NLGN1: variants seen among roughly 807,000 people sequenced by gnomAD.
The protein encoded by NLGN1 is neuroligin-1.
NLGN1 carries 12 observed loss-of-function variants against 65.5 expected under a neutral mutation model. That is an observed-to-expected ratio of 0.18 (90% confidence interval 0.12 to 0.30). The LOEUF (loss-of-function observed/expected upper bound fraction) is 0.30, where lower values mean the gene tolerates loss of function less well. Among genes scored for constraint, NLGN1 ranks in the 10% least tolerant of loss-of-function variants. The pLI, the probability that NLGN1 is intolerant of heterozygous loss-of-function variation, is 1.00. For missense variants in NLGN1, 750 were observed against 1,007.1 expected, an observed-to-expected ratio of 0.74 and a Z score of 3.46; for synonymous variants, 350 against 359.5, an observed-to-expected ratio of 0.97 and a Z score of 0.30.
chr3:173,980,622 A>T (rs1413892236), intron 4 of NLGN1, among the ~76,000 whole-genome samples: 1 of 152,110 alleles, frequency 6.6e-6, no homozygotes, highest in Non-Finnish European at 1.5e-5. Flanking sequence ...AAATATAAAG[A>T]CACACATGAA....
intron 3 of NLGN1, among the ~76,000 whole-genome samples, chr3:173,702,014 T>C (rs868842846): frequency 5.9e-4 from 90 of 151,762 alleles, no homozygotes; most frequent in East Asian, 4.1e-3. Flanking sequence ...CCGAGGCGGG[T>C]GGATCACGAG....
intron 4 of NLGN1, among the ~76,000 whole-genome samples, chr3:174,117,589 C>G (rs1243597731): frequency 6.6e-6 from 1 of 151,298 alleles, no homozygotes; most frequent in Non-Finnish European, 1.5e-5. Flanking sequence ...CTACTGCACT[C>G]CAGCCTGGGC....
chr3:173,583,443 T>C (rs1746714771), intron 2 of NLGN1, among the ~76,000 whole-genome samples: 1 of 152,244 alleles, frequency 6.6e-6, no homozygotes, highest in Non-Finnish European at 1.5e-5. Context: ...AGCCAATTAA[T>C]AGCAACACCA....
chr3:173,968,090 TTC>T (rs1414125614), intron 4 of NLGN1, among the ~76,000 whole-genome samples: 1 of 152,172 alleles, frequency 6.6e-6, no homozygotes, highest in African/African-American at 2.4e-5. Flanking sequence ...TTGTGTGTTT[TTC>T]TTTTCTAAAT....
chr3:173,821,335 A>C (rs1720251527), intron 4 of NLGN1, among the ~76,000 whole-genome samples: 1 of 152,174 alleles, frequency 6.6e-6, no homozygotes, highest in African/African-American at 2.4e-5. Context: ...GAAGTAAGTT[A>C]TTAAAAACAT....
In NLGN1 at chr3:173,536,301, T is replaced by C. The variant is rs549544794; in HGVS notation, c.-320-67978T>C. ...GGAGATGGTTAATCTTCCTTGCTAA[T>C]GAGGATTTAATTCTATTTTAATTGT... is the stretch of plus-strand genomic sequence containing the variant. On this transcript the variant is annotated intron_variant, in intron 2 of 6. Transcript: ENST00000457714. Among the ~76,000 whole-genome samples, 295 of 152,344 alleles carry C rather than the reference T, an allele frequency of 1.9e-3. 3 individuals carry two copies. Among genetic ancestry groups the C allele is most frequent in the Non-Finnish European group, 1.7e-3 (118 of 68,034 alleles).
chr3:173,809,331 T>C (rs2150459447), intron 4 of NLGN1, among the ~76,000 whole-genome samples: 1 of 152,324 alleles, frequency 6.6e-6, no homozygotes, highest in South Asian at 2.1e-4. Context: ...ATTTGTTTCC[T>C]ATGGAACATT....
chr3:174,139,364 G>A (rs981933172), intron 4 of NLGN1, among the ~76,000 whole-genome samples: 6 of 151,980 alleles, frequency 3.9e-5, no homozygotes, highest in African/African-American at 1.2e-4. Context: ...GGAATCACAC[G>A]ATACATAGCT....
chr3:173,562,842 T>C (rs1742983992), intron 2 of NLGN1, among the ~76,000 whole-genome samples: 1 of 152,224 alleles, frequency 6.6e-6, no homozygotes, highest in Non-Finnish European at 1.5e-5. Context: ...CATGTCTGTA[T>C]TCCAGAAAGC....
At chr3:174,000,306 A>G (rs1288627277) in intron 4 of NLGN1, among the ~76,000 whole-genome samples, 1 of 152,100 alleles carries the variant, frequency 6.6e-6, no homozygotes, top group Non-Finnish European at 1.5e-5. Context: ...ATTTTTCCGT[A>G]ACATTTAACT....
At chr3:173,556,161 A>C (rs1741673646) in intron 2 of NLGN1, among the ~76,000 whole-genome samples, 1 of 152,110 alleles carries the variant, frequency 6.6e-6, no homozygotes, top group Non-Finnish European at 1.5e-5. Context: ...CATTCATGAC[A>C]TGCCTAATCT....
At chr3:174,039,950 C>A (rs1057035318) in intron 4 of NLGN1, among the ~76,000 whole-genome samples, 15 of 152,090 alleles carry the variant, frequency 9.9e-5, no homozygotes, top group Non-Finnish European at 1.9e-4. Context: ...TACTGATAAG[C>A]CCAGAATGGA....
intron 3 of NLGN1, among the ~76,000 whole-genome samples, chr3:173,618,173 A>G (rs551115139): frequency 9.6e-4 from 146 of 151,798 alleles, no homozygotes; most frequent in African/African-American, 3.5e-3. Flanking sequence ...ACGTGAATTC[A>G]GTGGGTTTTT....
intron 4 of NLGN1, among the ~76,000 whole-genome samples, chr3:174,218,497 C>T (rs1302735969): frequency 6.6e-6 from 1 of 151,780 alleles, no homozygotes; most frequent in East Asian, 1.9e-4. Context: ...CAGCACAAAC[C>T]GATAGTTGCT....
At chr3:173,953,568 T>G (rs1201198927) in intron 4 of NLGN1, among the ~76,000 whole-genome samples, 1 of 152,106 alleles carries the variant, frequency 6.6e-6, no homozygotes, top group Non-Finnish European at 1.5e-5. Flanking sequence ...CTTATTTATT[T>G]ATTGAGACCA....
chr3:173,886,733 A>T (rs1043735198), intron 4 of NLGN1, among the ~76,000 whole-genome samples: 1 of 152,084 alleles, frequency 6.6e-6, no homozygotes, highest in Non-Finnish European at 1.5e-5. Context: ...TTGGTGTTTC[A>T]ACTCAGGCAA....
chr3:173,559,115 T>C (rs1742215849), intron 2 of NLGN1, among the ~76,000 whole-genome samples: 1 of 152,176 alleles, frequency 6.6e-6, no homozygotes, highest in African/African-American at 2.4e-5. Flanking sequence ...TGGGCTGAAG[T>C]TTCAGATATT....
chr3:173,686,568 C>G (rs1560169185), intron 3 of NLGN1, among the ~76,000 whole-genome samples: 1 of 151,960 alleles, frequency 6.6e-6, no homozygotes, highest in Non-Finnish European at 1.5e-5. Context: ...TAAATGTTTC[C>G]CAGCTTCTAA....
rs193076267 is a variant in NLGN1 at position 173,882,584 on chromosome 3, A to G, written c.646+74752A>G. On this transcript the variant is annotated intron_variant, in intron 4 of 6. Coordinates refer to ENST00000457714, the Ensembl canonical transcript of NLGN1. Reference sequence around the variant, plus strand: ...GAGGTGACTTCTTTCTTTCAACCTCATGAATCAGTCTTTGCCAGCTTCCAA... The same window carrying G: ...GAGGTGACTTCTTTCTTTCAACCTCGTGAATCAGTCTTTGCCAGCTTCCAA... Among the ~76,000 whole-genome samples, 403 of 152,368 alleles carry G rather than the reference A, an allele frequency of 2.6e-3. 4 individuals are homozygous for G. The highest frequency in any genetic ancestry group is 9.1e-3 in the African/African-American group (380 of 41,596).
Sources: gnomAD v4.1 joint callset for allele counts (sites outside exome capture counted in the v4.1 genomes callset) on GRCh38, gnomAD v4.1.1 for gene constraint, MANE v1.5 for transcripts, NCBI Gene and HGNC (gene_info 2026-07-23, HGNC 2026-07-21) for gene names.